Variants in TOM1L2 observed in about 807,000 individuals in gnomAD.
The protein encoded by TOM1L2 is target of myb1 like 2 membrane trafficking protein.
A neutral mutation model predicts 67.9 loss-of-function variants in TOM1L2; 31 were observed. The ratio of observed to expected loss-of-function variants is 0.46; its 90% CI spans 0.34 to 0.62. The LOEUF is 0.62. TOM1L2 is among the 20% of genes least tolerant of loss of function. The probability of loss-of-function intolerance (pLI) is 0.01; values close to 1 mark genes in which losing one functional copy is unlikely to be tolerated. For synonymous variants in TOM1L2, 256 were observed against 254.0 expected, an observed-to-expected ratio of 1.01 and a Z score of -0.07; for missense variants, 606 against 663.5, an observed-to-expected ratio of 0.91 and a Z score of 0.95.
intron 1 of TOM1L2, among the ~76,000 whole-genome samples, chr17:17,963,796 A>G (rs1333911567): frequency 2.0e-5 from 3 of 152,258 alleles, no homozygotes; most frequent in Admixed American, 1.3e-4. Flanking sequence ...CAATAAACAC[A>G]TGATAAATAA....
At chr17:17,894,637 G>A (rs563863724) in intron 3 of TOM1L2, among the ~76,000 whole-genome samples, 48 of 152,336 alleles carry the variant, frequency 3.2e-4, no homozygotes, top group African/African-American at 4.6e-4. Context: ...GCAAGAATAC[G>A]TTTAAAGCAT....
chr17:17,964,399 C>A (rs1293697242), intron 1 of TOM1L2, among the ~76,000 whole-genome samples: 1 of 152,158 alleles, frequency 6.6e-6, no homozygotes. Flanking sequence ...GTAGATTATA[C>A]AGAAATATGC....
intron 1 of TOM1L2, among the ~76,000 whole-genome samples, chr17:17,941,384 A>G (rs2040728647): frequency 6.6e-6 from 1 of 152,076 alleles, no homozygotes; most frequent in Admixed American, 6.5e-5. Context: ...ACTCCCTTAT[A>G]TGCTTGGCTT....
intron 1 of TOM1L2, among the ~76,000 whole-genome samples, chr17:17,965,042 T>C (rs73303821): frequency 0.039 from 5,966 of 152,274 alleles, 413 homozygotes; most frequent in African/African-American, 0.13. Flanking sequence ...GGGGGCTTCA[T>C]AGACAGTGTC....
At chr17:17,901,028 T>C (rs1226645307) in intron 2 of TOM1L2, among the ~76,000 whole-genome samples, 1 of 152,070 alleles carries the variant, frequency 6.6e-6, no homozygotes, top group East Asian at 1.9e-4. Context: ...ACCAGCACAC[T>C]CAGGGCTCTC....
intron 1 of TOM1L2, among the ~76,000 whole-genome samples, chr17:17,940,851 G>A (rs1420317657): frequency 6.6e-6 from 1 of 152,142 alleles, no homozygotes; most frequent in African/African-American, 2.4e-5. Context: ...CTCATAAATT[G>A]TTTTCTTGGC....
intron 1 of TOM1L2, among the ~76,000 whole-genome samples, chr17:17,940,830 T>C (rs1383631181): frequency 6.6e-6 from 1 of 152,176 alleles, no homozygotes; most frequent in Non-Finnish European, 1.5e-5. Flanking sequence ...TAGTTAAGTG[T>C]GTGGGTCAGT....
intron 4 of TOM1L2, among the ~76,000 whole-genome samples, chr17:17,893,326 T>A (rs2038388092): frequency 6.6e-6 from 1 of 152,154 alleles, no homozygotes; most frequent in African/African-American, 2.4e-5. Flanking sequence ...CCCTGCCCTG[T>A]GACCTCACCA....
At chr17:17,853,317 A>T (rs1485852353) in intron 12 of TOM1L2, among the ~76,000 whole-genome samples, 1 of 152,236 alleles carries the variant, frequency 6.6e-6, no homozygotes, top group Non-Finnish European at 1.5e-5. Context: ...CACTTAGCAG[A>T]AACAGACTAG....
At chr17:17,882,063 G>T (rs2037753929) in intron 6 of TOM1L2, among the ~76,000 whole-genome samples, 1 of 152,196 alleles carries the variant, frequency 6.6e-6, no homozygotes, top group African/African-American at 2.4e-5. Context: ...AAAATCCAGT[G>T]TGGGGTTAAA....
intron 1 of TOM1L2, among the ~76,000 whole-genome samples, chr17:17,964,720 T>G (rs2041815235): frequency 6.6e-6 from 1 of 152,076 alleles, no homozygotes; most frequent in South Asian, 2.1e-4. Flanking sequence ...TGCCACTGCA[T>G]TCCAGCCTGG....
chr17:17,876,061 A>G (rs1348733182), intron 7 of TOM1L2, among the ~76,000 whole-genome samples: 1 of 152,254 alleles, frequency 6.6e-6, no homozygotes, highest in Non-Finnish European at 1.5e-5. Context: ...TTTTGGCATC[A>G]TTGTATTAAT....
chr17:17,910,353 G>GGGTC (rs763326982), intron 1 of TOM1L2, among the ~76,000 whole-genome samples: 9 of 152,202 alleles, frequency 5.9e-5, no homozygotes, highest in Non-Finnish European at 1.0e-4. Context: ...GCCTTCCACT[G>GGGTC]GGTCCCCAGT....
chr17:17,947,692 G>A (rs1396343113), intron 1 of TOM1L2, among the ~76,000 whole-genome samples: 3 of 152,212 alleles, frequency 2.0e-5, no homozygotes, highest in East Asian at 3.9e-4. Context: ...TTAATGCCCC[G>A]ACACATACTT....
rs747269852 is a variant in TOM1L2 at position 17,866,886 on chromosome 17, G to C, written c.950C>G (p.Ala317Gly). The change falls in exon 9 of 15, where the codon GCC becomes GGC. Residue 317 changes from alanine to glycine, a missense_variant. Coordinates refer to ENST00000379504, the MANE Select transcript of TOM1L2 (RefSeq NM_001082968.2). ...TGAAGGAATACTTACTCCATTACTGGCATTTTGAACGGATCGGCCAGACCT... is the reference window on the plus strand; with the variant it reads ...TGAAGGAATACTTACTCCATTACTGCCATTTTGAACGGATCGGCCAGACCT... ...RYRSGRSVQN[A>G]SNGVLNEVTE... The C allele has an allele frequency of 6.8e-6, 11 of 1,614,024 alleles. No homozygotes were observed. Among genetic ancestry groups the C allele is most frequent in the Non-Finnish European group, 7.6e-6 (9 of 1,179,940 alleles).
intron 1 of TOM1L2, among the ~76,000 whole-genome samples, chr17:17,914,010 C>CA (rs1851325234): frequency 2.6e-5 from 4 of 152,292 alleles, no homozygotes; most frequent in African/African-American, 9.6e-5. Context: ...CTTCCTGGCT[C>CA]AAAAGAGTAG....
intron 1 of TOM1L2, among the ~76,000 whole-genome samples, chr17:17,924,560 G>C: frequency 6.6e-6 from 1 of 152,098 alleles, no homozygotes; most frequent in Middle Eastern, 3.2e-3. Flanking sequence ...CTTAAGCCCA[G>C]GAGTTTGAGA....
chr17:17,949,995 C>T (rs1202316758), intron 1 of TOM1L2, among the ~76,000 whole-genome samples: 1 of 152,016 alleles, frequency 6.6e-6, no homozygotes, highest in Admixed American at 6.6e-5. Context: ...CTCAGCCTCC[C>T]GAGTAGCTGG....
At chr17:17,923,252 T>C (rs1369523455) in intron 1 of TOM1L2, among the ~76,000 whole-genome samples, 3 of 152,038 alleles carry the variant, frequency 2.0e-5, no homozygotes, top group East Asian at 3.9e-4. Flanking sequence ...TACAAAAAAA[T>C]TAGCCAGGCG....
Sources: gnomAD v4.1 joint callset for allele counts (sites outside exome capture counted in the v4.1 genomes callset) on GRCh38, gnomAD v4.1.1 for gene constraint, MANE v1.5 for transcripts, NCBI Gene and HGNC (gene_info 2026-07-23, HGNC 2026-07-21) for gene names.